KCNQ5: variants seen among roughly 807,000 people sequenced by gnomAD.
The protein encoded by KCNQ5 is potassium voltage-gated channel subfamily KQT member 5.
In KCNQ5, 30 loss-of-function variants were observed where a neutral mutation model predicts 98.2. The observed-to-expected ratio is 0.31, with a 90% CI of 0.23 to 0.41. The LOEUF (loss-of-function observed/expected upper bound fraction) is 0.41. Ranked by LOEUF, KCNQ5 falls within the 10% of genes least tolerant of loss-of-function variation. KCNQ5 has a pLI of 1.00. For missense variants in KCNQ5, 835 were observed against 1,182.5 expected, an observed-to-expected ratio of 0.71 and a Z score of 4.31; for synonymous variants, 458 against 449.4, an observed-to-expected ratio of 1.02 and a Z score of -0.24.
chr6:72,786,778 G>A (rs866881774), intron 1 of KCNQ5, among the ~76,000 whole-genome samples: 12 of 152,054 alleles, frequency 7.9e-5, no homozygotes, highest in East Asian at 5.8e-4. Context: ...AGGCAGAGGC[G>A]GGCGGATCAC....
chr6:72,732,894 C>A (rs1426208971), intron 1 of KCNQ5, among the ~76,000 whole-genome samples: 2 of 152,080 alleles, frequency 1.3e-5, no homozygotes, highest in African/African-American at 4.8e-5. Flanking sequence ...TGGACTGAAT[C>A]AGGAAGTGGG....
Position 73,120,609 on chromosome 6 carries a change from T to C in KCNQ5, c.1220+32T>C, listed in dbSNP as rs1220619469. 5 of 1,448,952 alleles carry C rather than the reference T, an allele frequency of 3.5e-6. No individual in the cohort carries two copies. The East Asian group carries it at 6.9e-5, about 20-fold the overall frequency. 89.8% of individuals were successfully genotyped at this position (1,448,952 alleles called of 1,614,324 possible). On this transcript the variant is annotated intron_variant, in intron 8 of 13. Transcript: ENST00000370398. ...ATCAGTGTGACAGCTGCCACTGTAG[T>C]TGAGTCTTTTCAAGTCTGTTAAACA...
At chr6:72,877,250 T>TTG (rs1442265213) in intron 1 of KCNQ5, among the ~76,000 whole-genome samples, 1 of 152,104 alleles carries the variant, frequency 6.6e-6, no homozygotes, top group Non-Finnish European at 1.5e-5. Context: ...GTGTGTGTTG[T>TTG]TCCCTTCCCT....
chr6:72,623,287 G>A (rs1184450029), intron 1 of KCNQ5, among the ~76,000 whole-genome samples: 1 of 152,162 alleles, frequency 6.6e-6, no homozygotes, highest in African/African-American at 2.4e-5. Context: ...GGAACCTGGG[G>A]CGCAGGAACG....
intron 1 of KCNQ5, among the ~76,000 whole-genome samples, chr6:72,969,304 T>C (rs1767762362): frequency 6.6e-6 from 1 of 152,186 alleles, no homozygotes; most frequent in African/African-American, 2.4e-5. Context: ...GAACTTTGTG[T>C]TGGGTATTTA....
chr6:72,767,708 G>A (rs957411665), intron 1 of KCNQ5, among the ~76,000 whole-genome samples: 9 of 151,928 alleles, frequency 5.9e-5, no homozygotes, highest in African/African-American at 1.4e-4. Flanking sequence ...AAAAAGATAC[G>A]CAGATGGCAA....
intron 2 of KCNQ5, among the ~76,000 whole-genome samples, chr6:73,033,837 C>T (rs1055735964): frequency 6.6e-6 from 1 of 152,150 alleles, no homozygotes; most frequent in East Asian, 1.9e-4. Context: ...GTCCTCAACA[C>T]CAGGTCAAAT....
At chr6:73,060,191 A>G (rs1255237939) in intron 3 of KCNQ5, among the ~76,000 whole-genome samples, 3 of 152,010 alleles carry the variant, frequency 2.0e-5, no homozygotes, top group Admixed American at 6.6e-5. Context: ...CTCTAAGACT[A>G]CTTTTCCTCC....
chr6:72,938,432 T>C (rs530484236), intron 1 of KCNQ5, among the ~76,000 whole-genome samples: 3 of 152,132 alleles, frequency 2.0e-5, no homozygotes, highest in Non-Finnish European at 4.4e-5. Context: ...CAGACTGGAG[T>C]GCAGTGGCAT....
chr6:72,808,414 G>A (rs1392755993), intron 1 of KCNQ5, among the ~76,000 whole-genome samples: 1 of 152,046 alleles, frequency 6.6e-6, no homozygotes, highest in African/African-American at 2.4e-5. Context: ...GGAATACAAG[G>A]AGTTGTTCTG....
chr6:73,016,109 T>G (rs1770330558), intron 2 of KCNQ5, among the ~76,000 whole-genome samples: 1 of 151,968 alleles, frequency 6.6e-6, no homozygotes, highest in African/African-American at 2.4e-5. Context: ...ATCAATATAT[T>G]AGATATTACA....
At chr6:73,135,811 G>C (rs1776446237) in intron 10 of KCNQ5, 1 of 152,204 alleles carries the variant, frequency 6.6e-6, no homozygotes, top group Non-Finnish European at 1.5e-5. Context: ...GGTGTCAGCA[G>C]GGTTGGTTCC....
At chr6:73,079,726 C>T (rs1582314414) in intron 5 of KCNQ5, among the ~76,000 whole-genome samples, 2 of 152,042 alleles carry the variant, frequency 1.3e-5, no homozygotes, top group African/African-American at 2.4e-5. Flanking sequence ...ATGGGCATTT[C>T]GAAAAAGAGT....
chr6:73,010,272 A>G (rs779002733), intron 2 of KCNQ5, among the ~76,000 whole-genome samples: 2 of 152,120 alleles, frequency 1.3e-5, no homozygotes, highest in African/African-American at 2.4e-5. Flanking sequence ...ATCTCAATTG[A>G]AGCCAGAAAA....
intron 1 of KCNQ5, among the ~76,000 whole-genome samples, chr6:72,740,972 C>G (rs1771102095): frequency 6.6e-6 from 1 of 152,056 alleles, no homozygotes; most frequent in East Asian, 1.9e-4. Context: ...ACCCTTGGTG[C>G]CAAAGTAACA....
chr6:72,639,118 G>A (rs914068055), intron 1 of KCNQ5, among the ~76,000 whole-genome samples: 1 of 152,174 alleles, frequency 6.6e-6, no homozygotes, highest in Non-Finnish European at 1.5e-5. Context: ...GAGTGATGGA[G>A]AAGAAATAAG....
At chr6:72,974,181 T>C (rs567550765) in intron 1 of KCNQ5, among the ~76,000 whole-genome samples, 2 of 152,344 alleles carry the variant, frequency 1.3e-5, no homozygotes, top group South Asian at 4.1e-4. Flanking sequence ...TAAAGTTTAA[T>C]TAGAACATAA....
intron 1 of KCNQ5, among the ~76,000 whole-genome samples, chr6:72,902,269 C>A (rs1232237683): frequency 6.6e-6 from 1 of 152,128 alleles, no homozygotes; most frequent in Non-Finnish European, 1.5e-5. Flanking sequence ...TCAAGGTAAA[C>A]AATCATACCA....
rs548034818 is a variant in KCNQ5, at chr6:73,198,057, G to A, written c.*2643G>A. The stretch of plus-strand genomic sequence containing the variant: ...TGGAAGCTATAAGGTTCTGTCTGTC[G>A]TGTTACTCTCTGTGGAAATGAGAGG... On this transcript the variant is annotated 3_prime_UTR_variant, in exon 14 of 14. Transcript: ENST00000370398. 4.6e-5 allele frequency: 7 copies of A among 152,274 alleles called. No homozygotes were observed. The highest frequency in any genetic ancestry group is 1.4e-4 in the African/African-American group (6 of 41,540). 9.4% of individuals were successfully genotyped at this position (152,274 alleles called of 1,614,324 possible).
Sources: allele counts gnomAD v4.1 joint callset (sites outside exome capture counted in the v4.1 genomes callset), GRCh38; gene constraint gnomAD v4.1.1; transcripts MANE v1.5; gene names NCBI Gene and HGNC (gene_info 2026-07-23, HGNC 2026-07-21).